TRDN: variants seen among roughly 807,000 people sequenced by gnomAD.
TRDN encodes the protein triadin in skeletal muscle.
A neutral mutation model predicts 149.7 loss-of-function variants in TRDN; 161 were observed. That is an observed-to-expected ratio of 1.08 (90% CI 0.95 to 1.23). The LOEUF (loss-of-function observed/expected upper bound fraction) is 1.23, where lower values mean the gene tolerates loss of function less well. Ranked by LOEUF, TRDN falls within the 50% of genes most tolerant of loss-of-function variation. The pLI is 0.00. For missense variants in TRDN, 896 were observed against 823.5 expected, an observed-to-expected ratio of 1.09 and a Z score of -1.08; for synonymous variants, 294 against 250.5, an observed-to-expected ratio of 1.17 and a Z score of -1.64.
At chr6:123,307,087 C>T (rs1171560233) in intron 24 of TRDN, among the ~76,000 whole-genome samples, 2 of 151,958 alleles carry the variant, frequency 1.3e-5, no homozygotes, top group East Asian at 3.9e-4. Flanking sequence ...AAAACATTGT[C>T]TAATATTGCT....
chr6:123,372,289 A>C (rs1781354039), intron 19 of TRDN, among the ~76,000 whole-genome samples: 1 of 152,164 alleles, frequency 6.6e-6, no homozygotes, highest in Non-Finnish European at 1.5e-5. Flanking sequence ...GATGTCTCCT[A>C]AATGATCTTG....
At chr6:123,562,999 C>T (rs954864449) in intron 2 of TRDN, among the ~76,000 whole-genome samples, 26 of 152,158 alleles carry the variant, frequency 1.7e-4, no homozygotes, top group African/African-American at 6.3e-4. Context: ...TGAAATTTTT[C>T]CACACTCATC....
chr6:123,595,852 G>A (rs1784012562), intron 1 of TRDN, among the ~76,000 whole-genome samples: 1 of 151,962 alleles, frequency 6.6e-6, no homozygotes, highest in South Asian at 2.1e-4. Context: ...CCATTAACTG[G>A]CCATCTCTAC....
chr6:123,502,202 A>T, intron 8 of TRDN: 1 of 983,818 alleles, frequency 1.0e-6, no homozygotes, highest in Non-Finnish European at 1.2e-6. Flanking sequence ...GAATCCAAAG[A>T]TTATTTCTGC....
chr6:123,238,486 T>C (rs926728911), intron 38 of TRDN, among the ~76,000 whole-genome samples: 12 of 152,044 alleles, frequency 7.9e-5, no homozygotes, highest in Non-Finnish European at 1.3e-4. Context: ...AATAAAAACA[T>C]ATAAAAGGAA....
chr6:123,619,983 G>GT (rs1318787364), intron 1 of TRDN, among the ~76,000 whole-genome samples: 1 of 152,078 alleles, frequency 6.6e-6, no homozygotes, highest in East Asian at 1.9e-4. Context: ...CAGGCAAATA[G>GT]TTTCTCTCTT....
intron 10 of TRDN, among the ~76,000 whole-genome samples, chr6:123,455,031 C>G (rs532819587): frequency 6.3e-4 from 96 of 152,266 alleles, no homozygotes; most frequent in South Asian, 1.7e-3. Context: ...GAAAAACTTT[C>G]AAGCTGATTG....
chr6:123,541,750 A>G (rs1780847130), intron 4 of TRDN, among the ~76,000 whole-genome samples: 1 of 152,162 alleles, frequency 6.6e-6, no homozygotes, highest in African/African-American at 2.4e-5. Context: ...TGAGGCTATG[A>G]ATTTTAACAA....
chr6:123,466,614 C>T (rs76995718), intron 9 of TRDN, among the ~76,000 whole-genome samples: 9,739 of 151,712 alleles, frequency 0.064, 417 homozygotes, highest in Middle Eastern at 0.11. Flanking sequence ...TCTACTTTCT[C>T]GGTGGGTCAA....
At chr6:123,476,147 T>C (rs535719002) in intron 9 of TRDN, among the ~76,000 whole-genome samples, 3 of 114,396 alleles carry the variant, frequency 2.6e-5, no homozygotes, top group Admixed American at 1.8e-4. Flanking sequence ...CATGATTGTA[T>C]ATCTAGAAAA....
chr6:123,579,398 T>A (rs564972878), intron 1 of TRDN, among the ~76,000 whole-genome samples: 120 of 152,286 alleles, frequency 7.9e-4, no homozygotes, highest in Non-Finnish European at 1.3e-3. Context: ...ATTGAGATAA[T>A]CATGTGGTTT....
At chr6:123,266,284 ATGTAATATG>A (rs1473074753) in intron 32 of TRDN, among the ~76,000 whole-genome samples, 16 of 30,434 alleles carry the variant, frequency 5.3e-4, no homozygotes, top group Non-Finnish European at 1.1e-3. Context: ...TATATATTAT[ATGTAATATG>A]TATTATATAT....
intron 24 of TRDN, among the ~76,000 whole-genome samples, chr6:123,304,029 A>T (rs906314742): frequency 9.2e-5 from 14 of 152,132 alleles, no homozygotes; most frequent in Non-Finnish European, 2.1e-4. Context: ...GAAGAGTTGT[A>T]AATGACTCAG....
At chr6:123,256,052 C>A (rs1776547067) in intron 35 of TRDN, 150 bp from the exon 36 acceptor site, 2 of 342,454 alleles carry the variant, frequency 5.8e-6, no homozygotes, top group Non-Finnish European at 1.0e-5. Context: ...AACCCATCAT[C>A]TACATTAGGT....
At chr6:123,463,502 A>G (rs925153456) in intron 10 of TRDN, among the ~76,000 whole-genome samples, 89 of 152,104 alleles carry the variant, frequency 5.9e-4, no homozygotes, top group African/African-American at 2.0e-3. Context: ...GCTAGGAGAT[A>G]ACTTGGCATC....
chr6:123,311,004 T>C (rs1778795951), intron 24 of TRDN, among the ~76,000 whole-genome samples: 1 of 151,950 alleles, frequency 6.6e-6, no homozygotes, highest in Non-Finnish European at 1.5e-5. Context: ...AACACCAGCT[T>C]CAAATCTTTT....
At chr6:123,323,221 A>G (rs919090229) in intron 23 of TRDN, among the ~76,000 whole-genome samples, 12 of 152,156 alleles carry the variant, frequency 7.9e-5, no homozygotes, top group African/African-American at 2.9e-4. Context: ...GACTCACTAG[A>G]CGTTGAACCC....
intron 24 of TRDN, among the ~76,000 whole-genome samples, chr6:123,307,653 T>C (rs1253383370): frequency 6.6e-6 from 1 of 152,002 alleles, no homozygotes; most frequent in Non-Finnish European, 1.5e-5. Context: ...GTCTCACTCA[T>C]CTTACCCCCA....
intron 9 of TRDN, among the ~76,000 whole-genome samples, chr6:123,476,597 G>A (rs76398799): frequency 0.11 from 16,414 of 144,912 alleles, 1,177 homozygotes; most frequent in South Asian, 0.24. Flanking sequence ...AGCCTACATC[G>A]CCAAGTCAAT....
Sources: allele counts gnomAD v4.1 joint callset (sites outside exome capture counted in the v4.1 genomes callset), GRCh38; gene constraint gnomAD v4.1.1; transcripts MANE v1.5; gene names NCBI Gene and HGNC (gene_info 2026-07-23, HGNC 2026-07-21).